AK8: variants seen among roughly 807,000 people sequenced by gnomAD.
The protein encoded by AK8 is adenylate kinase 8.
In AK8, 44 loss-of-function variants were observed where a neutral mutation model predicts 54.6. The ratio of observed to expected loss-of-function variants is 0.81; its 90% CI spans 0.63 to 1.04. AK8 has a LOEUF of 1.04. AK8 is among the 50% of genes least tolerant of loss of function. The probability of loss-of-function intolerance (pLI) is 0.00; values close to 1 mark genes in which losing one functional copy is unlikely to be tolerated. For missense variants in AK8, 555 were observed against 613.6 expected (o/e 0.90, Z 1.01); for synonymous variants, 239 against 245.6 (o/e 0.97, Z 0.25).
intron 10 of AK8, among the ~76,000 whole-genome samples, chr9:132,811,138 T>G (rs1840986122): frequency 6.6e-6 from 1 of 152,224 alleles, no homozygotes; most frequent in Non-Finnish European, 1.5e-5. Flanking sequence ...CATAACAAAG[T>G]GGCAAAGATT....
At chr9:132,794,489 C>A (rs976565714) in intron 10 of AK8, among the ~76,000 whole-genome samples, 1 of 152,230 alleles carries the variant, frequency 6.6e-6, no homozygotes. Context: ...CCAGGGAAGT[C>A]TCTGAGGACA....
At chr9:132,792,498 G>C in intron 11 of AK8, 136 bp downstream of exon 11, 6 of 1,280,566 alleles carry the variant, frequency 4.7e-6, no homozygotes, top group Non-Finnish European at 6.2e-6. Flanking sequence ...GGATGGGTGG[G>C]AATGGGGATG....
At chr9:132,807,738 A>G (rs1840788200) in intron 10 of AK8, among the ~76,000 whole-genome samples, 1 of 152,250 alleles carries the variant, frequency 6.6e-6, no homozygotes, top group Non-Finnish European at 1.5e-5. Context: ...GAGTTTGAAC[A>G]ACAGAGTGAG....
intron 2 of AK8, among the ~76,000 whole-genome samples, chr9:132,867,297 GCTGTAATTTATGC>G (rs1260011520): frequency 2.0e-5 from 3 of 152,152 alleles, no homozygotes; most frequent in Non-Finnish European, 4.4e-5. Context: ...CTCCAATAAG[GCTGTAATTTATGC>G]AAATCGACCT....
At chr9:132,859,548 A>AT (rs1843303587) in intron 4 of AK8, among the ~76,000 whole-genome samples, 1 of 151,962 alleles carries the variant, frequency 6.6e-6, no homozygotes, top group South Asian at 2.1e-4. Flanking sequence ...TTGAAGGCTC[A>AT]TAAGTACAGG....
chr9:132,782,216 G>A (rs1453515763), intron 11 of AK8, among the ~76,000 whole-genome samples: 1 of 152,044 alleles, frequency 6.6e-6, no homozygotes, highest in Admixed American at 6.5e-5. Context: ...TGTTGGTCCT[G>A]TAGTACTGGT....
At chr9:132,868,409 C>T (rs953622894) in intron 2 of AK8, among the ~76,000 whole-genome samples, 1 of 152,126 alleles carries the variant, frequency 6.6e-6, no homozygotes, top group East Asian at 1.9e-4. Context: ...AGCTGTGGAC[C>T]TTCATATTCT....
chr9:132,877,933 C>T (rs1193145878), intron 1 of AK8: 1 of 979,564 alleles, frequency 1.0e-6, no homozygotes, highest in Non-Finnish European at 1.6e-6. Flanking sequence ...AATCCCGGCT[C>T]GAGTGGCCCC....
In AK8 at chr9:132,792,644, T is replaced by G. The variant is rs1291634499; in HGVS notation, c.1111A>C (p.Asn371His). 1 of 1,553,260 alleles carries G rather than the reference T, an allele frequency of 6.4e-7. No homozygotes were observed. The highest frequency in any genetic ancestry group is 8.7e-7 in the Non-Finnish European group (1 of 1,148,916). ...GCTGGGGCAGCTCACCTGTTGGGAT[T>G]GTAGCCCAGGCGGTTCAGCAGGTGT... ...QAHLLNRLGY[N>H]PNRVFFLNVP... Residue 371 changes from asparagine to histidine, a missense_variant, in exon 11 of 13, where the codon AAT becomes CAT. Asn to His is a moderately conservative substitution (Grantham distance 68). Coordinates refer to ENST00000298545, the MANE Select transcript of AK8 (RefSeq NM_152572.3).
chr9:132,855,040 A>G (rs1843122123), intron 4 of AK8, 115 bp from the exon 5 acceptor site: 7 of 1,058,774 alleles, frequency 6.6e-6, no homozygotes, highest in Non-Finnish European at 1.0e-5. Context: ...ACCGACCACC[A>G]TCGGGCCCCG....
intron 1 of AK8, chr9:132,877,843 C>T (rs1432368892): frequency 1.7e-6 from 1 of 581,436 alleles, no homozygotes; most frequent in Non-Finnish European, 3.2e-6. Flanking sequence ...TGCAACCTGG[C>T]ATTTCACAGG....
At chr9:132,867,102 C>G in intron 2 of AK8, 149 bp from the exon 3 acceptor site, 3 of 730,194 alleles carry the variant, frequency 4.1e-6, no homozygotes, top group Non-Finnish European at 7.2e-6. Context: ...CTCAGAGACA[C>G]TCTTGCCATG....
At chr9:132,737,612 G>C (rs983209378) in intron 11 of AK8, among the ~76,000 whole-genome samples, 3 of 152,150 alleles carry the variant, frequency 2.0e-5, no homozygotes, top group Non-Finnish European at 4.4e-5. Context: ...TGTATCATTA[G>C]AAGAAAAAGT....
chr9:132,750,447 G>C (rs556439416), intron 11 of AK8, among the ~76,000 whole-genome samples: 2 of 151,934 alleles, frequency 1.3e-5, no homozygotes, highest in African/African-American at 4.8e-5. Context: ...ACATCTTTCT[G>C]TCCGGCATCG....
intron 6 of AK8, 34 bp from the exon 7 acceptor site, chr9:132,828,118 T>A: frequency 6.4e-7 from 1 of 1,551,330 alleles, no homozygotes; most frequent in Non-Finnish European, 8.7e-7. Flanking sequence ...AAACCAGGCA[T>A]GTCGGGCAGC....
intron 5 of AK8, among the ~76,000 whole-genome samples, chr9:132,839,442 T>C (rs1216328899): frequency 6.6e-6 from 1 of 152,238 alleles, no homozygotes; most frequent in African/African-American, 2.4e-5. Context: ...TCATGGGTCC[T>C]GGTGGACAGG....
At position 132,770,413 on chromosome 9, in the gene AK8, T is replaced by A. The variant is rs1838913849; in HGVS notation, c.1121+22221A>T. On this transcript the variant is annotated intron_variant, in intron 11 of 12. Transcript: ENST00000298545. This position sits in a 1 kb window ranked among gnomAD's most constrained non-coding sequence, Gnocchi z 4.3. ...TGGGTTTGACTTTCATGGCTATGAA[T>A]CTCGGAATGAATAAAGAGCCCAGAA... 6.6e-6 allele frequency among the ~76,000 whole-genome samples: 1 copy of A among 151,366 alleles called. No homozygotes were observed. The highest frequency in any genetic ancestry group is 6.6e-5 in the Admixed American group (1 of 15,264).
intron 11 of AK8, among the ~76,000 whole-genome samples, chr9:132,755,560 G>A (rs1413690179): frequency 6.6e-6 from 1 of 152,198 alleles, no homozygotes; most frequent in Non-Finnish European, 1.5e-5. Context: ...TGCACCGTGT[G>A]CACATAGCCC....
chr9:132,852,633 G>A lies in AK8; in HGVS notation c.402+2224C>T, dbSNP rs1036050176. 1.9e-4 allele frequency among the ~76,000 whole-genome samples: 28 copies of A among 151,032 alleles called. 1 individual carries two copies. The highest frequency in any genetic ancestry group is 1.7e-3 in the Admixed American group (26 of 15,140). On this transcript the variant is annotated intron_variant, in intron 5 of 12. Transcript: ENST00000298545. ...TCAAAAAAAAAAAAAAATTAGGCAC[G>A]GTGGTGTATGCCTGTAACTCCAGCT...
Sources: gnomAD v4.1 joint callset for allele counts (sites outside exome capture counted in the v4.1 genomes callset) on GRCh38, gnomAD v4.1.1 for gene constraint, Gnocchi (gnomAD v3.1) non-coding constraint, MANE v1.5 for transcripts, NCBI Gene and HGNC (gene_info 2026-07-23, HGNC 2026-07-21) for gene names.